Variants in RTTN observed in about 807,000 individuals in gnomAD.
RTTN encodes the protein rotatin.
A neutral mutation model predicts 269.2 loss-of-function variants in RTTN; 182 were observed. The ratio of observed to expected loss-of-function variants is 0.68; its 90% confidence interval spans 0.60 to 0.76. RTTN has a LOEUF of 0.76. RTTN is among the 30% of genes least tolerant of loss of function. The pLI is 0.00. For missense variants in RTTN, 2,545 were observed against 2,608.6 expected, an observed-to-expected ratio of 0.98 and a Z score of 0.53; for synonymous variants, 1,006 against 963.5, an observed-to-expected ratio of 1.04 and a Z score of -0.82.
chr18:70,062,958 T>C (rs1425167056), intron 35 of RTTN, among the ~76,000 whole-genome samples: 1 of 152,168 alleles, frequency 6.6e-6, no homozygotes, highest in Non-Finnish European at 1.5e-5. Context: ...TTTTGTTATA[T>C]GTTTATCATT....
At chr18:70,121,048 C>T (rs536044631) in intron 26 of RTTN, among the ~76,000 whole-genome samples, 1 of 150,358 alleles carries the variant, frequency 6.7e-6, no homozygotes, top group South Asian at 2.1e-4. Flanking sequence ...GAGACGCCGT[C>T]TCAAAAAAAA....
rs199597732 is a variant in RTTN at position 70,086,692 on chromosome 18, T to G, written c.4303-8A>C. 4 of 170,708 alleles carry G rather than the reference T, an allele frequency of 2.3e-5. No homozygotes were observed. Among genetic ancestry groups the G allele is most frequent in the South Asian group, 1.3e-4 (2 of 15,134 alleles). 10.6% of individuals were successfully genotyped at this position (170,708 alleles called of 1,614,324 possible). A position where few individuals can be genotyped will look rare whatever the true frequency, so the allele number is the denominator to read the frequency against. The stretch of plus-strand genomic sequence containing the variant: ...CTGAAGAATAAATGCCGCCTGAAAA[T>G]GTAAAAAAAAAAAAAAAAAAAAAAA... On this transcript the variant is annotated splice_region_variant and splice_polypyrimidine_tract_variant and intron_variant, in intron 31 of 48. Coordinates refer to ENST00000640769, the MANE Select transcript of RTTN (RefSeq NM_173630.4).
intron 28 of RTTN, among the ~76,000 whole-genome samples, chr18:70,102,832 C>T (rs915656664): frequency 6.6e-6 from 1 of 152,232 alleles, no homozygotes; most frequent in Non-Finnish European, 1.5e-5. Context: ...ACTTATGAAA[C>T]TTAGTTTGGC....
At chr18:70,128,659 A>C (rs1330656403) in intron 23 of RTTN, 113 bp from the exon 24 acceptor site, 3 of 746,586 alleles carry the variant, frequency 4.0e-6, no homozygotes, top group East Asian at 5.4e-5. Context: ...AATAATGCAA[A>C]GGTTTCTCTT....
intron 32 of RTTN, among the ~76,000 whole-genome samples, chr18:70,075,876 C>G (rs1461750174): frequency 6.6e-6 from 1 of 151,968 alleles, no homozygotes; most frequent in African/African-American, 2.4e-5. Flanking sequence ...TATTTTTCAA[C>G]CTACATATAA....
chr18:70,007,089 C>G (rs568189029), intron 46 of RTTN: 1 of 152,160 alleles, frequency 6.6e-6, no homozygotes, highest in Non-Finnish European at 1.5e-5. Flanking sequence ...GGTTAGACAA[C>G]GGGTGCAGCC....
chr18:70,160,659 A>G (rs77000570), intron 14 of RTTN, among the ~76,000 whole-genome samples: 2 of 10,890 alleles, frequency 1.8e-4, no homozygotes, highest in Admixed American at 7.9e-3. Flanking sequence ...CTATACCTGA[A>G]AAAAAAAAAA....
At chr18:70,024,385 T>C (rs780295173) in intron 44 of RTTN, among the ~76,000 whole-genome samples, 1 of 152,218 alleles carries the variant, frequency 6.6e-6, no homozygotes, top group Non-Finnish European at 1.5e-5. Flanking sequence ...CTAGAATCTA[T>C]GAGAAGTTCT....
chr18:70,154,196 T>C (rs1378234774), intron 14 of RTTN, among the ~76,000 whole-genome samples: 3 of 152,070 alleles, frequency 2.0e-5, no homozygotes, highest in Admixed American at 6.5e-5. Context: ...AACTGACACA[T>C]ACATATTTAT....
chr18:70,024,625 C>T (rs1460981623), intron 44 of RTTN, 97 bp downstream of exon 44: 5 of 1,145,668 alleles, frequency 4.4e-6, no homozygotes, highest in African/African-American at 1.6e-5. Flanking sequence ...CAGAGAAATA[C>T]TTCAAAATAT....
At chr18:70,034,290 C>T (rs1031787725) in intron 40 of RTTN, among the ~76,000 whole-genome samples, 10 of 152,122 alleles carry the variant, frequency 6.6e-5, no homozygotes, top group Admixed American at 4.6e-4. Flanking sequence ...AACAGCAATG[C>T]AAAAACCCTC....
At chr18:70,183,620 AGCTAAAAC>A (rs1461624449) in intron 10 of RTTN, among the ~76,000 whole-genome samples, 20 of 152,094 alleles carry the variant, frequency 1.3e-4, no homozygotes, top group African/African-American at 4.8e-4. Context: ...TGACATCTTG[AGCTAAAAC>A]ATTCTTTGTT....
chr18:70,174,903 C>T (rs1391860139), intron 11 of RTTN, among the ~76,000 whole-genome samples: 1 of 150,818 alleles, frequency 6.6e-6, no homozygotes, highest in Admixed American at 6.6e-5. Context: ...TGGCTCACAC[C>T]TATAATCCCA....
chr18:70,044,423 A>G (rs1331275220), intron 40 of RTTN, among the ~76,000 whole-genome samples: 1 of 152,180 alleles, frequency 6.6e-6, no homozygotes, highest in Non-Finnish European at 1.5e-5. Context: ...CTTGTTATCT[A>G]TATGTATTTG....
intron 40 of RTTN, among the ~76,000 whole-genome samples, chr18:70,047,592 A>T (rs976762812): frequency 6.6e-6 from 1 of 152,206 alleles, no homozygotes; most frequent in African/African-American, 2.4e-5. Flanking sequence ...ATCAAATGTC[A>T]CTTAGAATAT....
At chr18:70,058,908 T>G (rs1209934097) in intron 36 of RTTN, among the ~76,000 whole-genome samples, 7 of 152,220 alleles carry the variant, frequency 4.6e-5, no homozygotes, top group Non-Finnish European at 1.5e-5. Context: ...AATACTTCTT[T>G]TAGAGTTTAT....
intron 35 of RTTN, among the ~76,000 whole-genome samples, chr18:70,063,582 A>T (rs2058050288): frequency 6.6e-6 from 1 of 152,130 alleles, no homozygotes; most frequent in Non-Finnish European, 1.5e-5. Context: ...AATAATGATA[A>T]ATCTTTGGAA....
At chr18:70,153,267 AGT>A (rs2060587134) in intron 14 of RTTN, among the ~76,000 whole-genome samples, 1 of 152,044 alleles carries the variant, frequency 6.6e-6, no homozygotes. Flanking sequence ...CTATACATAT[AGT>A]GTTATAAAGA....
At chr18:70,021,395 GA>G (rs1027250548) in intron 44 of RTTN, among the ~76,000 whole-genome samples, 23 of 150,762 alleles carry the variant, frequency 1.5e-4, no homozygotes, top group Admixed American at 6.6e-4. Flanking sequence ...TATTGAGGGA[GA>G]AAAAAAAATT....
Sources: allele counts gnomAD v4.1 joint callset (sites outside exome capture counted in the v4.1 genomes callset), GRCh38; gene constraint gnomAD v4.1.1; transcripts MANE v1.5; gene names NCBI Gene and HGNC (gene_info 2026-07-23, HGNC 2026-07-21).